The following SUCLG2 variants were observed in gnomAD, a reference collection of about 807,000 sequenced individuals.
The protein encoded by SUCLG2 is succinate--CoA ligase [GDP-forming] subunit beta, mitochondrial.
Under a neutral mutation model 47.9 loss-of-function variants are expected in SUCLG2, and 42 were observed. That is an observed-to-expected ratio of 0.88 (90% CI 0.69 to 1.14). The LOEUF is 1.14. Among genes scored for constraint, SUCLG2 ranks in the 50% most tolerant of loss-of-function variants. The pLI is 0.00. For synonymous variants in SUCLG2, 195 were observed against 197.3 expected (o/e 0.99, Z 0.10); for missense variants, 571 against 525.9 (o/e 1.09, Z -0.84).
intron 1 of SUCLG2, among the ~76,000 whole-genome samples, chr3:67,641,071 T>C (rs1701092703): frequency 6.6e-6 from 1 of 152,174 alleles, no homozygotes; most frequent in South Asian, 2.1e-4. Context: ...AATTGATACA[T>C]CTGAACAAGG....
At chr3:67,540,735 C>G (rs115724184) in intron 2 of SUCLG2, among the ~76,000 whole-genome samples, 70 of 152,348 alleles carry the variant, frequency 4.6e-4, no homozygotes, top group Admixed American at 1.8e-3. Flanking sequence ...GTCCCTGATC[C>G]CTGTGCCCCC....
At chr3:67,568,425 A>C (rs1707523618) in intron 2 of SUCLG2, among the ~76,000 whole-genome samples, 1 of 152,216 alleles carries the variant, frequency 6.6e-6, no homozygotes, top group Non-Finnish European at 1.5e-5. Context: ...GCAACACAGA[A>C]AGAGATAAAT....
At chr3:67,374,487 A>G (rs1201417608), downstream of SUCLG2, among the ~76,000 whole-genome samples, 1 of 152,214 alleles carries the variant, frequency 6.6e-6, no homozygotes, top group African/African-American at 2.4e-5. Flanking sequence ...AACCTGTCAG[A>G]CATCTGAGAT....
intron 7 of SUCLG2, among the ~76,000 whole-genome samples, chr3:67,505,070 T>A (rs1269190454): frequency 6.6e-6 from 1 of 152,228 alleles, no homozygotes; most frequent in African/African-American, 2.4e-5. Context: ...ATGTCTCCTA[T>A]ACCATATGAT....
chr3:67,476,935 T>A (rs1240987103), intron 9 of SUCLG2, among the ~76,000 whole-genome samples: 1 of 152,236 alleles, frequency 6.6e-6, no homozygotes, highest in Admixed American at 6.5e-5. Context: ...ACTCTGATTC[T>A]GGTCTTGTGG....
intron 9 of SUCLG2, among the ~76,000 whole-genome samples, chr3:67,453,343 C>A (rs1029575217): frequency 1.1e-4 from 17 of 152,058 alleles, no homozygotes; most frequent in African/African-American, 3.6e-4. Flanking sequence ...TCTGAAAGAT[C>A]ACAATCCAGG....
chr3:67,419,416 T>C (rs9836975), intron 9 of SUCLG2, among the ~76,000 whole-genome samples: 13,018 of 152,170 alleles, frequency 0.086, 658 homozygotes, highest in African/African-American at 0.14. Context: ...TCAGAATGTC[T>C]AATTGTCTGA....
chr3:67,631,776 G>T (rs1006791077), intron 1 of SUCLG2, among the ~76,000 whole-genome samples: 22 of 152,200 alleles, frequency 1.4e-4, no homozygotes, highest in African/African-American at 5.3e-4. Flanking sequence ...GACTATGATG[G>T]TCTCAAAGGC....
Position 67,529,086 on chromosome 3 carries a change from C to T in SUCLG2, c.326+1G>A, listed in dbSNP as rs760221334. ...CAAGGAATAACAACCTCCAGACTTA[C>T]TCTTTTGTTAAATGAACACCTCCTT... On this transcript the variant is annotated splice_donor_variant, in intron 3 of 10. Transcript: ENST00000307227. LOFTEE classifies it high-confidence loss of function. 1.9e-6 allele frequency: 3 copies of T among 1,607,088 alleles called. No individual in the cohort carries two copies. In the South Asian group the frequency reaches 3.3e-5, roughly 18 times the overall value.
At chr3:67,646,349 AC>A (rs1701191363) in intron 1 of SUCLG2, among the ~76,000 whole-genome samples, 1 of 152,182 alleles carries the variant, frequency 6.6e-6, no homozygotes, top group Non-Finnish European at 1.5e-5. Context: ...TAATCCCAGC[AC>A]TTTGTGAGGC....
At chr3:67,443,934 G>GC (rs1703844358) in intron 9 of SUCLG2, among the ~76,000 whole-genome samples, 3 of 100,740 alleles carry the variant, frequency 3.0e-5, no homozygotes, top group African/African-American at 1.0e-4. Flanking sequence ...TCTCCGCCCG[G>GC]CAGCCACCCC....
At chr3:67,469,170 G>A (rs1206586637) in intron 9 of SUCLG2, among the ~76,000 whole-genome samples, 5 of 152,184 alleles carry the variant, frequency 3.3e-5, no homozygotes, top group African/African-American at 9.6e-5. Flanking sequence ...GTAGGCTGGC[G>A]AGTTGGGCAT....
chr3:67,621,643 G>T (rs1444570699), intron 1 of SUCLG2, among the ~76,000 whole-genome samples: 1 of 152,078 alleles, frequency 6.6e-6, no homozygotes, highest in Non-Finnish European at 1.5e-5. Flanking sequence ...GGATTATCAT[G>T]GGAGTGAAAT....
At position 67,498,173 on chromosome 3, in the gene SUCLG2, G is replaced by C. The variant is rs1302277955; in HGVS notation, c.880C>G (p.Leu294Val). 2 of 1,613,174 alleles carry C rather than the reference G, an allele frequency of 1.2e-6. No homozygotes were observed. Among genetic ancestry groups the C allele is most frequent in the Non-Finnish European group, 1.7e-6 (2 of 1,179,718 alleles). The change falls in exon 8 of 11, where the codon CTA becomes GTA. Residue 294 changes from leucine (L) to valine (V), a missense_variant. Transcript: ENST00000307227. Reference sequence around the variant, plus strand: ...TTCCCATCTAGTCCTATGTATTTTAGATCATATTTGGCAGCTTCATTTTCA... The same window carrying C: ...TTCCCATCTAGTCCTATGTATTTTACATCATATTTGGCAGCTTCATTTTCA... Reference protein sequence around the residue: ...PIENEAAKYDLKYIGLDGNIA... With the variant: ...PIENEAAKYDVKYIGLDGNIA...
intron 9 of SUCLG2, among the ~76,000 whole-genome samples, chr3:67,421,514 C>T (rs541796852): frequency 1.3e-5 from 2 of 152,314 alleles, no homozygotes; most frequent in African/African-American, 4.8e-5. Context: ...ACCTCAATAA[C>T]ATCACCTGTT....
At chr3:67,414,539 G>A (rs1437365901) in intron 9 of SUCLG2, among the ~76,000 whole-genome samples, 2 of 152,170 alleles carry the variant, frequency 1.3e-5, no homozygotes, top group African/African-American at 4.8e-5. Flanking sequence ...TACCAGCAAG[G>A]ACATGCCTTT....
chr3:67,555,253 T>C (rs966845021), intron 2 of SUCLG2, among the ~76,000 whole-genome samples: 1 of 152,168 alleles, frequency 6.6e-6, no homozygotes, highest in African/African-American at 2.4e-5. Context: ...CCCAATATTT[T>C]TGGTAACACA....
Position 67,500,178 on chromosome 3 carries a change from A to T in SUCLG2, c.758-1883T>A, listed in dbSNP as rs147804502. 4.5e-3 allele frequency among the ~76,000 whole-genome samples: 683 copies of T among 152,354 alleles called. 12 individuals are homozygous for T. The East Asian group carries it at 0.059, about 13-fold the overall frequency. On this transcript the variant is annotated intron_variant, in intron 7 of 10. Transcript: ENST00000307227. Reference sequence around the variant, plus strand: ...ACAGAACATTTCTCACTCACTGAAAAGCAGTGGCTATAATCTCCTAATTAT... The same window carrying T: ...ACAGAACATTTCTCACTCACTGAAATGCAGTGGCTATAATCTCCTAATTAT...
intron 1 of SUCLG2, among the ~76,000 whole-genome samples, chr3:67,628,207 T>C (rs1700867956): frequency 6.6e-6 from 1 of 152,214 alleles, no homozygotes; most frequent in Admixed American, 6.5e-5. Context: ...ATTTTATATA[T>C]GTATATGGCT....
Sources: gnomAD v4.1 joint callset for allele counts (sites outside exome capture counted in the v4.1 genomes callset) on GRCh38, gnomAD v4.1.1 for gene constraint, MANE v1.5 for transcripts, NCBI Gene and HGNC (gene_info 2026-07-23, HGNC 2026-07-21) for gene names.